BPI: variants seen among roughly 807,000 people sequenced by gnomAD.
BPI encodes the protein bactericidal permeability-increasing protein.
In BPI, 48 loss-of-function variants were observed where a neutral mutation model predicts 57.6. The ratio of observed to expected loss-of-function variants is 0.83; its 90% confidence interval spans 0.66 to 1.06. The LOEUF is 1.06. BPI is among the 50% of genes least tolerant of loss of function. The pLI, the probability that BPI is intolerant of heterozygous loss-of-function variation, is 0.00. For missense variants in BPI, 651 were observed against 609.7 expected (o/e 1.07, Z -0.71); for synonymous variants, 237 against 238.2 (o/e 0.99, Z 0.05).
intron 12 of BPI, among the ~76,000 whole-genome samples, chr20:38,331,567 G>A (rs2076742709): frequency 6.6e-6 from 1 of 152,160 alleles, no homozygotes; most frequent in Non-Finnish European, 1.5e-5. Context: ...TGAAAGGCCA[G>A]GCATGGTGGC....
chr20:38,312,011 C>G, intron 5 of BPI, 74 bp downstream of exon 5: 4 of 1,450,006 alleles, frequency 2.8e-6, no homozygotes, highest in Non-Finnish European at 3.9e-6. Context: ...CCCCCTTCTA[C>G]GGACACTCTG....
chr20:38,336,977 T>C (rs1291338673), intron 14 of BPI, among the ~76,000 whole-genome samples, 169 bp from the exon 15 acceptor site: 1 of 152,032 alleles, frequency 6.6e-6, no homozygotes, highest in Non-Finnish European at 1.5e-5. Context: ...TTGGCAGCTG[T>C]GGATGTGTAG....
intron 12 of BPI, among the ~76,000 whole-genome samples, chr20:38,331,384 G>T (rs146652770): frequency 6.6e-6 from 1 of 152,156 alleles, no homozygotes; most frequent in Admixed American, 6.5e-5. Context: ...GCACAATCTG[G>T]TAGAGAAAAT....
chr20:38,329,557 A>G (rs1311669302), intron 11 of BPI, among the ~76,000 whole-genome samples: 12 of 152,146 alleles, frequency 7.9e-5, no homozygotes, highest in Non-Finnish European at 1.5e-5. Context: ...GGCTTTCTGG[A>G]ATATGCAGGG....
chr20:38,307,172 C>A (rs1057025948), intron 1 of BPI, among the ~76,000 whole-genome samples: 1 of 152,034 alleles, frequency 6.6e-6, no homozygotes, highest in African/African-American at 2.4e-5. Flanking sequence ...GCACTCCAGC[C>A]TGGGCGACAC....
chr20:38,310,474 T>G lies in BPI; in HGVS notation c.375-17T>G. 1 of 1,610,340 alleles carries G rather than the reference T, an allele frequency of 6.2e-7. No individual in the cohort carries two copies. The highest frequency in any genetic ancestry group is 8.5e-7 in the Non-Finnish European group (1 of 1,177,028). ...GAAGAAAGGACTTGTCCCACATTCC[T>G]CTTTGTTCTTCTTCAGAAAAATGAG... On this transcript the variant is annotated splice_polypyrimidine_tract_variant and intron_variant, in intron 3 of 14. Transcript: ENST00000642449.
At position 38,320,155 on chromosome 20, in the gene BPI, G is replaced by A. The variant is rs756614828; in HGVS notation, c.665-28G>A. 3 of 1,579,250 alleles carry A rather than the reference G, an allele frequency of 1.9e-6. 1 individual carries two copies. In the South Asian group the frequency reaches 3.3e-5, roughly 17 times the overall value. ...TCCAGCGATGCTGCCGTGGGAGCCA[G>A]CTCATGGTCCATTTTCTTTCTCTCT... On this transcript the variant is annotated intron_variant, in intron 6 of 14. Coordinates refer to ENST00000642449, the MANE Select transcript of BPI (RefSeq NM_001725.3).
intron 10 of BPI, 76 bp downstream of exon 10, chr20:38,326,508 A>G: frequency 6.9e-7 from 1 of 1,446,352 alleles, no homozygotes; most frequent in South Asian, 1.4e-5. Context: ...TCAGGAGACC[A>G]TGTGAATCCT....
chr20:38,317,752 T>C (rs1262006635), intron 5 of BPI: 3 of 1,254,506 alleles, frequency 2.4e-6, no homozygotes, highest in East Asian at 2.5e-5. Flanking sequence ...TTTGCCATGT[T>C]CCGTTTTACA....
intron 10 of BPI, 165 bp downstream of exon 10, chr20:38,326,597 G>A (rs1190411049): frequency 5.3e-6 from 4 of 757,652 alleles, no homozygotes; most frequent in Admixed American, 3.8e-5. Context: ...GACTCCTGGA[G>A]GTATTCATTC....
chr20:38,323,954 G>T lies in BPI; in HGVS notation c.841G>T (p.Val281Leu). 6.2e-7 allele frequency: 1 copy of T among 1,614,160 alleles called. No individual in the cohort carries two copies. Among genetic ancestry groups the T allele is most frequent in the Non-Finnish European group, 8.5e-7 (1 of 1,180,032 alleles). ...MEFPAAHDRMVYLGLSDYFFN... is the reference protein window; with the variant it reads ...MEFPAAHDRMLYLGLSDYFFN... The stretch of plus-strand genomic sequence containing the variant: ...GTTTCCCGCTGCCCATGACCGCATG[G>T]TATACCTGGGCCTCTCAGACTACTT... The change falls in exon 8 of 15, where the codon GTA (valine) becomes TTA (leucine). Residue 281 changes from valine (V) to leucine (L), a missense_variant. Physicochemically the swap from Val to Leu is conservative, Grantham distance 32. Coordinates refer to ENST00000642449, the MANE Select transcript of BPI (RefSeq NM_001725.3).
At chr20:38,330,396 C>T (rs114964560) in intron 11 of BPI, among the ~76,000 whole-genome samples, 2,366 of 152,220 alleles carry the variant, frequency 0.016, 58 homozygotes, top group African/African-American at 0.053. Flanking sequence ...TGGGATAGAG[C>T]GCCCAATACA....
chr20:38,330,063 C>CA (rs1568818808), intron 11 of BPI, among the ~76,000 whole-genome samples: 1 of 152,030 alleles, frequency 6.6e-6, no homozygotes, highest in Non-Finnish European at 1.5e-5. Context: ...CCTGTCTCTA[C>CA]AACAAAATTT....
At chr20:38,305,803 C>A (rs184698507) in intron 1 of BPI, among the ~76,000 whole-genome samples, 80 of 152,284 alleles carry the variant, frequency 5.3e-4, no homozygotes, top group Non-Finnish European at 1.0e-3. Flanking sequence ...CATACATATA[C>A]GGAGCCTAGA....
chr20:38,314,922 G>A (rs111611239), intron 5 of BPI, among the ~76,000 whole-genome samples: 1 of 151,304 alleles, frequency 6.6e-6, no homozygotes, highest in Admixed American at 6.6e-5. Flanking sequence ...ATGGTGGTAA[G>A]TATACACCGA....
chr20:38,327,594 A>T lies in BPI; in HGVS notation c.1168A>T (p.Thr390Ser), dbSNP rs768577314. ...TGGGTTGTTGTTTTGGCAGCACACA[A>T]CTGGTTCCATGGAGGTCAGCGCCGA... is the stretch of plus-strand genomic sequence containing the variant. ...ASLFLIGMHT[T>S]GSMEVSAESN... The change falls in exon 11 of 15, where the codon ACT becomes TCT. Residue 390 changes from threonine to serine, a missense_variant. By Grantham distance (58) the Thr-to-Ser change is moderately conservative (BLOSUM62 1). Transcript: ENST00000642449. The T allele has an allele frequency of 2.5e-5, 40 of 1,613,090 alleles. No homozygotes were observed. Among genetic ancestry groups the T allele is most frequent in the Non-Finnish European group, 3.1e-5 (36 of 1,179,632 alleles).
chr20:38,314,874 T>C (rs2076644819), intron 5 of BPI, among the ~76,000 whole-genome samples: 1 of 151,392 alleles, frequency 6.6e-6, no homozygotes, highest in African/African-American at 2.4e-5. Context: ...ATGATGGTGA[T>C]GGTGATGGTG....
intron 5 of BPI, among the ~76,000 whole-genome samples, chr20:38,316,426 G>C (rs1318040723): frequency 6.6e-6 from 1 of 152,212 alleles, no homozygotes; most frequent in Non-Finnish European, 1.5e-5. Flanking sequence ...AGGCAGCTGG[G>C]TCCCCAGGCT....
At chr20:38,335,427 G>T in intron 13 of BPI, 171 bp from the exon 14 acceptor site, 1 of 630,720 alleles carries the variant, frequency 1.6e-6, no homozygotes, top group Non-Finnish European at 2.8e-6. Context: ...CAGGTGGGAG[G>T]TACGGACTCT....
Sources: allele counts gnomAD v4.1 joint callset (sites outside exome capture counted in the v4.1 genomes callset), GRCh38; gene constraint gnomAD v4.1.1; transcripts MANE v1.5; gene names NCBI Gene and HGNC (gene_info 2026-07-23, HGNC 2026-07-21).